Variants in CCDC122 observed in about 807,000 individuals in gnomAD.
CCDC122 encodes coiled-coil domain-containing protein 122.
A neutral mutation model predicts 37.0 loss-of-function variants in CCDC122; 38 were observed. That is an observed-to-expected ratio of 1.03 (90% CI 0.79 to 1.35). The LOEUF is 1.35. Among genes scored for constraint, CCDC122 ranks in the 40% most tolerant of loss-of-function variants. CCDC122 has a pLI of 0.00. For synonymous variants in CCDC122, 83 were observed against 95.6 expected, an observed-to-expected ratio of 0.87 and a Z score of 0.77; for missense variants, 305 against 310.0, an observed-to-expected ratio of 0.98 and a Z score of 0.12.
chr13:43,873,145 G>A (rs765278898), intron 2 of CCDC122, among the ~76,000 whole-genome samples: 17 of 151,896 alleles, frequency 1.1e-4, no homozygotes, highest in South Asian at 2.1e-4. Flanking sequence ...CCTAGTGCTC[G>A]GTCCTCAGGC....
intron 4 of CCDC122, among the ~76,000 whole-genome samples, chr13:43,868,226 T>A (rs1954336770): frequency 1.3e-5 from 2 of 152,252 alleles, no homozygotes; most frequent in African/African-American, 4.8e-5. Context: ...TATATCTAAT[T>A]ACGTTGCATG....
chr13:43,832,922 G>A (rs1308776595), downstream of CCDC122, among the ~76,000 whole-genome samples: 1 of 152,006 alleles, frequency 6.6e-6, no homozygotes, highest in Non-Finnish European at 1.5e-5. Context: ...GTCAAACAGG[G>A]CACAGCATAC....
At chr13:43,828,699 T>C (rs971531513) in intron 3 of CCDC122, among the ~76,000 whole-genome samples, 3 of 151,968 alleles carry the variant, frequency 2.0e-5, no homozygotes, top group African/African-American at 7.3e-5. Context: ...ACATGAAAAT[T>C]GGTTAGAATT....
rs773126226 is a variant in CCDC122, at chr13:43,868,745, T to C, written c.105A>G (p.Gln35=). Residue 35 remains glutamine, a synonymous_variant, in exon 4 of 7, where the codon CAA becomes CAG. Coordinates refer to ENST00000444614, the MANE Select transcript of CCDC122 (RefSeq NM_144974.5). ...TTTTTTCTATCTCTGATGCTTGTGA[T>C]TGTTGTTGCTTTGCAACTTTCTCTA... is the stretch of plus-strand genomic sequence containing the variant. ...DAVEKVAKQQ[Q]SQASEIEKNK... is the part of the protein sequence containing the mutation. 6.4e-7 allele frequency: 1 copy of C among 1,566,266 alleles called. No homozygotes were observed. Among genetic ancestry groups the C allele is most frequent in the East Asian group, 2.3e-5 (1 of 43,144 alleles).
At chr13:43,865,535 TAAC>T (rs1203183697) in intron 4 of CCDC122, among the ~76,000 whole-genome samples, 3 of 152,090 alleles carry the variant, frequency 2.0e-5, no homozygotes, top group Admixed American at 1.3e-4. Flanking sequence ...AGAATAACAA[TAAC>T]AACAAAATAA....
At chr13:43,851,984 G>T (rs751446878) in intron 6 of CCDC122, among the ~76,000 whole-genome samples, 2 of 151,868 alleles carry the variant, frequency 1.3e-5, no homozygotes, top group Non-Finnish European at 2.9e-5. Flanking sequence ...CAGCAGCTCA[G>T]ATTGAAGCAT....
At chr13:43,869,210 T>C in intron 3 of CCDC122, 121 bp downstream of exon 3, 1 of 755,460 alleles carries the variant, frequency 1.3e-6, no homozygotes, top group South Asian at 1.6e-5. Flanking sequence ...TTGTCCCAGC[T>C]AAATGTAACT....
chr13:43,851,493 C>T (rs1035764258), intron 6 of CCDC122, among the ~76,000 whole-genome samples: 4 of 152,188 alleles, frequency 2.6e-5, no homozygotes, highest in Non-Finnish European at 4.4e-5. Flanking sequence ...ACCAAACACA[C>T]AGCCATCAGC....
chr13:43,873,979 A>G (rs1323240875), intron 2 of CCDC122, among the ~76,000 whole-genome samples: 2 of 152,200 alleles, frequency 1.3e-5, no homozygotes, highest in East Asian at 3.8e-4. Context: ...ATAATGCTCC[A>G]AAAGCACTAT....
Position 43,837,511 on chromosome 13 carries a change from A to C in CCDC122, c.673-82T>G, listed in dbSNP as rs1953208633. The stretch of plus-strand genomic sequence containing the variant: ...CATAAATAATATTTTGACTACTCTA[A>C]AGAGGGAAGCACTTAATTAGAAACT... On this transcript the variant is annotated intron_variant, in intron 6 of 6. Coordinates refer to ENST00000444614, the MANE Select transcript of CCDC122 (RefSeq NM_144974.5). 12 of 1,220,626 alleles carry C rather than the reference A, an allele frequency of 9.8e-6. No individual in the cohort carries two copies. In the Middle Eastern group the frequency reaches 9.9e-4, roughly 101 times the overall value. The allele number at this position is 1,220,626 out of a possible 1,614,324, so 75.6% of individuals were successfully genotyped here.
At chr13:43,820,722 C>T (rs949744264), downstream of CCDC122, among the ~76,000 whole-genome samples, 1 of 152,124 alleles carries the variant, frequency 6.6e-6, no homozygotes, top group Non-Finnish European at 1.5e-5. Flanking sequence ...AATCAAAGAG[C>T]TGATGAAGCA....
intron 1 of CCDC122, chr13:43,879,391 T>C (rs1387001152): frequency 6.5e-6 from 1 of 153,094 alleles, no homozygotes; most frequent in Non-Finnish European, 1.5e-5. Context: ...CTTTCCGGAC[T>C]CGGCCTGCCC....
At chr13:43,834,247 C>G (rs993984838), downstream of CCDC122, among the ~76,000 whole-genome samples, 6 of 152,040 alleles carry the variant, frequency 3.9e-5, no homozygotes, top group African/African-American at 1.2e-4. Flanking sequence ...GGGAAAACTG[C>G]CTAGCCATAT....
downstream of CCDC122, among the ~76,000 whole-genome samples, chr13:43,823,246 G>C (rs9562514): frequency 0.024 from 3,617 of 152,094 alleles, 110 homozygotes; most frequent in East Asian, 0.14. Flanking sequence ...CACTAGCTAG[G>C]GCTTGGAAAG....
chr13:43,820,347 C>T (rs766152598), downstream of CCDC122, among the ~76,000 whole-genome samples: 7 of 152,052 alleles, frequency 4.6e-5, no homozygotes, highest in African/African-American at 1.4e-4. Context: ...AGGAGCTCCA[C>T]GGTAAAGTAG....
chr13:43,824,022 A>G (rs1418487577), intron 3 of CCDC122: 21 of 152,220 alleles, frequency 1.4e-4, no homozygotes, highest in Non-Finnish European at 5.9e-5. Flanking sequence ...CTTCCAAAAA[A>G]TGTATTAAAT....
downstream of CCDC122, among the ~76,000 whole-genome samples, chr13:43,823,293 T>C (rs73463562): frequency 2.8e-4 from 42 of 152,058 alleles, no homozygotes; most frequent in Non-Finnish European, 8.8e-5. Context: ...CCTGTCTCAC[T>C]GTGGCTGGGC....
Position 43,869,380 on chromosome 13 carries a change from CTG to C in CCDC122, c.-6_-5del. The C allele has an allele frequency of 6.2e-7, 1 of 1,606,378 alleles. No homozygotes were observed. The highest frequency in any genetic ancestry group is 8.5e-7 in the Non-Finnish European group (1 of 1,174,876). The stretch of plus-strand genomic sequence containing the variant: ...TCCTTTCTTTGTTGTCTGACATTTT[CTG>C]TGTCTGTAATCTCTTTTCCCCTTTT... On this transcript the variant is annotated 5_prime_UTR_variant, in exon 3 of 7. Transcript: ENST00000444614.
rs1010007025 is a variant in CCDC122, at chr13:43,837,418, C to T, written c.684G>A (p.Lys228=). Residue 228 remains lysine (K), a synonymous_variant, in exon 7 of 7, where the codon AAG becomes AAA. Coordinates refer to ENST00000444614, the MANE Select transcript of CCDC122 (RefSeq NM_144974.5). ...KLRKEIEVQH[K]RYDAILKRLH... ...AACGCTTAAGAATTGCATCATACCT[C>T]TTATGTTGTACCTATCAAAAGAAGA... 6.2e-6 allele frequency: 10 copies of T among 1,613,568 alleles called. No homozygotes were observed. The African/African-American group carries it at 8.0e-5, about 13-fold the overall frequency.
Sources: allele counts gnomAD v4.1 joint callset (sites outside exome capture counted in the v4.1 genomes callset), GRCh38; gene constraint gnomAD v4.1.1; transcripts MANE v1.5; gene names NCBI Gene and HGNC (gene_info 2026-07-23, HGNC 2026-07-21).